Variants in TJP3 observed in about 807,000 individuals in gnomAD.
TJP3 encodes tight junction protein ZO-3.
TJP3 carries 85 observed loss-of-function variants against 104.2 expected under a neutral mutation model. The ratio of observed to expected loss-of-function variants is 0.82; its 90% confidence interval spans 0.68 to 0.98. The LOEUF (loss-of-function observed/expected upper bound fraction) is 0.98. TJP3 is among the 50% of genes least tolerant of loss of function. The pLI is 0.00. For missense variants in TJP3, 1,367 were observed against 1,322.8 expected (o/e 1.03, Z -0.52); for synonymous variants, 550 against 550.6 (o/e 1.00, Z 0.02).
intron 1 of TJP3, among the ~76,000 whole-genome samples, chr19:3,726,212 G>C (rs2036594481): frequency 6.6e-6 from 1 of 152,220 alleles, no homozygotes. Flanking sequence ...GCAGGGCATG[G>C]TGCGTGCTGG....
At chr19:3,747,646 TG>T in intron 18 of TJP3, 147 bp from the exon 19 acceptor site, 1 of 984,612 alleles carries the variant, frequency 1.0e-6, no homozygotes, top group Non-Finnish European at 1.5e-6. Flanking sequence ...CAACCCATCC[TG>T]GAGTCAACAG....
In TJP3 at chr19:3,734,508, G is replaced by A. The variant is rs531638340; in HGVS notation, c.986+73G>A. 142 of 1,371,248 alleles carry A rather than the reference G, an allele frequency of 1.0e-4. 1 individual carries two copies. Among genetic ancestry groups the A allele is most frequent in the South Asian group, 5.8e-4 (42 of 72,222 alleles). 84.9% of individuals were successfully genotyped at this position (1,371,248 alleles called of 1,614,324 possible). On this transcript the variant is annotated intron_variant, in intron 8 of 20. Transcript: ENST00000541714. Reference sequence around the variant, plus strand: ...GTGGGAGGGAGAGGGGAACGCGGGCGTAGCTTTCCAACTGGGGGTAACCTT... The same window carrying A: ...GTGGGAGGGAGAGGGGAACGCGGGCATAGCTTTCCAACTGGGGGTAACCTT...
In TJP3 at chr19:3,746,046, A is replaced by G. The variant is rs1003970675; in HGVS notation, c.1975A>G (p.Ile659Val). The part of the protein sequence containing the change: ...VSRTDSPSKI[I>V]KLDTVRVIAE... Reference sequence around the variant, plus strand: ...CAGGACCGACAGCCCCTCCAAGATCATCAAACTAGACACCGTGCGGGTGAT... The same window carrying G: ...CAGGACCGACAGCCCCTCCAAGATCGTCAAACTAGACACCGTGCGGGTGAT... The change falls in exon 16 of 21, where the codon ATC (isoleucine) becomes GTC (valine). Residue 659 changes from isoleucine (I) to valine (V), a missense_variant. Transcript: ENST00000541714. The surrounding 1 kb of genome is among the most constrained non-coding windows in gnomAD (Gnocchi z 4.1). 1.4e-5 allele frequency: 22 copies of G among 1,610,052 alleles called. No individual in the cohort carries two copies. The highest frequency in any genetic ancestry group is 1.9e-5 in the Non-Finnish European group (22 of 1,178,174).
At chr19:3,725,460 C>G (rs774500953) in intron 1 of TJP3, among the ~76,000 whole-genome samples, 2 of 151,946 alleles carry the variant, frequency 1.3e-5, no homozygotes, top group Non-Finnish European at 2.9e-5. Flanking sequence ...ATGAATGGGT[C>G]CACATCAAGC....
chr19:3,748,444 G>C (rs1230516295), intron 19 of TJP3, among the ~76,000 whole-genome samples: 5 of 149,496 alleles, frequency 3.3e-5, no homozygotes, highest in Non-Finnish European at 5.9e-5. Context: ...GCTAATTTTT[G>C]TATTTTTAGT....
intron 1 of TJP3, among the ~76,000 whole-genome samples, chr19:3,711,621 G>A (rs1033517105): frequency 5.4e-5 from 8 of 149,404 alleles, no homozygotes; most frequent in Admixed American, 1.3e-4. Context: ...GGCCGGATGC[G>A]GTGGCTCACG....
Position 3,728,451 on chromosome 19 carries a change from T to G in TJP3, c.19T>G (p.Trp7Gly), listed in dbSNP as rs759789555. The change falls in exon 2 of 21, where the codon TGG becomes GGG. Residue 7 changes from tryptophan (W) to glycine (G), a missense_variant. Transcript: ENST00000541714. MEELTI[W>G]EQHTATLSKD... is the part of the protein sequence containing the mutation. ...GGCTGACATGGAGGAGCTGACCATC[T>G]GGGAACAGCACACGGCCACACTGTC... 8 of 1,613,984 alleles carry G rather than the reference T, an allele frequency of 5.0e-6. No individual in the cohort carries two copies. The highest frequency in any genetic ancestry group is 6.8e-6 in the Non-Finnish European group (8 of 1,179,952).
At chr19:3,728,373 C>T in intron 1 of TJP3, 51 bp from the exon 2 acceptor site, 1 of 1,613,776 alleles carries the variant, frequency 6.2e-7, no homozygotes, top group Non-Finnish European at 8.5e-7. Flanking sequence ...CCCAAGTGCT[C>T]AGATGAACCT....
chr19:3,739,073 G>A lies in TJP3; in HGVS notation c.1570G>A (p.Ala524Thr). ...CCACGCACGAGGAGGCCACTGGCTG[G>A]CGGTGCGCATGGGTCGTGACCTGCG... ...QSHARGGHWL[A>T]VRMGRDLREQ... Residue 524 changes from alanine (A) to threonine (T), a missense_variant, in exon 13 of 21, where the codon GCG becomes ACG. Physicochemically the swap from Ala to Thr is moderately conservative, Grantham distance 58. Coordinates refer to ENST00000541714, the MANE Select transcript of TJP3 (RefSeq NM_001267560.2). The A allele has an allele frequency of 6.2e-7, 1 of 1,607,020 alleles. No individual in the cohort carries two copies.
At chr19:3,721,233 T>C (rs936199059) in intron 1 of TJP3, among the ~76,000 whole-genome samples, 3 of 151,868 alleles carry the variant, frequency 2.0e-5, no homozygotes, top group Non-Finnish European at 4.4e-5. Context: ...GGATGCTGGG[T>C]GTGAAGACAG....
chr19:3,738,480 G>A, intron 11 of TJP3, 75 bp from the exon 12 acceptor site: 2 of 1,347,286 alleles, frequency 1.5e-6, no homozygotes, highest in Non-Finnish European at 1.0e-6. Flanking sequence ...GTTTTGCCCA[G>A]AGGAAGGTCC....
At chr19:3,714,409 A>G (rs1169400657) in intron 1 of TJP3, among the ~76,000 whole-genome samples, 1 of 150,700 alleles carries the variant, frequency 6.6e-6, no homozygotes, top group East Asian at 2.0e-4. Flanking sequence ...CAAACTCCCG[A>G]CCTCGTGATC....
chr19:3,746,932 C>T lies in TJP3; in HGVS notation c.2322+56C>T, dbSNP rs779149036. The T allele has an allele frequency of 9.0e-5, 137 of 1,517,698 alleles. No individual in the cohort carries two copies. Among genetic ancestry groups the T allele is most frequent in the Non-Finnish European group, 1.0e-4 (117 of 1,117,726 alleles). 94.0% of individuals were successfully genotyped at this position (1,517,698 alleles called of 1,614,324 possible). On this transcript the variant is annotated intron_variant, in intron 18 of 20. Coordinates refer to ENST00000541714, the MANE Select transcript of TJP3 (RefSeq NM_001267560.2). The surrounding 1 kb of genome is among the most constrained non-coding windows in gnomAD (Gnocchi z 4.1). Reference sequence around the variant, plus strand: ...GGAGGCCCCACAGACGCTGTGCAGGCCCAGCTGGGGTTTGGGGCCTCTGTC... The same window carrying T: ...GGAGGCCCCACAGACGCTGTGCAGGTCCAGCTGGGGTTTGGGGCCTCTGTC...
chr19:3,740,174 G>T (rs2036794105), intron 13 of TJP3, among the ~76,000 whole-genome samples: 1 of 151,940 alleles, frequency 6.6e-6, no homozygotes, highest in South Asian at 2.1e-4. Context: ...GGAGGTTGCA[G>T]TGAGCAGAGA....
intron 1 of TJP3, among the ~76,000 whole-genome samples, chr19:3,708,782 C>T (rs923793005): frequency 7.9e-5 from 12 of 152,162 alleles, no homozygotes; most frequent in African/African-American, 1.2e-4. Flanking sequence ...CTGCCCAGGA[C>T]GCTGAGCTGG....
At chr19:3,738,719 T>G in intron 12 of TJP3, 56 bp downstream of exon 12, 1 of 1,498,348 alleles carries the variant, frequency 6.7e-7, no homozygotes, top group African/African-American at 1.4e-5. Context: ...GACCTGGCTG[T>G]GTGGCCTGGT....
chr19:3,732,797 C>T (rs2036689172), intron 6 of TJP3, among the ~76,000 whole-genome samples: 3 of 152,082 alleles, frequency 2.0e-5, no homozygotes, highest in South Asian at 2.1e-4. Context: ...GCGTGCACCA[C>T]CACACCTTGC....
intron 5 of TJP3, 63 bp from the exon 6 acceptor site, chr19:3,731,872 G>C (rs747038111): frequency 1.4e-6 from 2 of 1,432,154 alleles, no homozygotes; most frequent in Non-Finnish European, 1.9e-6. Flanking sequence ...CTTACAGCAG[G>C]AGAATGCTCC....
chr19:3,712,812 G>A (rs2036445095), intron 1 of TJP3, among the ~76,000 whole-genome samples: 1 of 151,926 alleles, frequency 6.6e-6, no homozygotes, highest in Non-Finnish European at 1.5e-5. Context: ...TGCTGGGCAG[G>A]GTGGCGTGCA....
Sources: allele counts gnomAD v4.1 joint callset (sites outside exome capture counted in the v4.1 genomes callset), GRCh38; gene constraint gnomAD v4.1.1; non-coding constraint Gnocchi (gnomAD v3.1); transcripts MANE v1.5; gene names NCBI Gene and HGNC (gene_info 2026-07-23, HGNC 2026-07-21).